Variants in TET1 observed in about 807,000 individuals in gnomAD.
TET1 encodes the protein methylcytosine dioxygenase TET1.
A neutral mutation model predicts 148.7 loss-of-function variants in TET1; 13 were observed. The observed-to-expected ratio is 0.09, with a 90% CI of 0.06 to 0.14. TET1 has a LOEUF of 0.14. Among genes scored for constraint, TET1 ranks in the 10% least tolerant of loss-of-function variants. TET1 has a pLI of 1.00. For missense variants in TET1, 2,182 were observed against 2,553.8 expected (o/e 0.85, Z 3.14); for synonymous variants, 907 against 937.2 (o/e 0.97, Z 0.59).
intron 2 of TET1, among the ~76,000 whole-genome samples, chr10:68,599,045 A>C (rs1398820328): frequency 6.6e-6 from 1 of 152,092 alleles, no homozygotes; most frequent in Non-Finnish European, 1.5e-5. Context: ...GGTGAGTGAG[A>C]GGTAATTTAA....
intron 2 of TET1, among the ~76,000 whole-genome samples, chr10:68,575,963 T>G (rs2053725060): frequency 6.7e-6 from 1 of 148,326 alleles, no homozygotes; most frequent in South Asian, 2.1e-4. Flanking sequence ...GAGCTTGCAG[T>G]GAGCCGAGAT....
chr10:68,591,588 T>C (rs1469882927), intron 2 of TET1, among the ~76,000 whole-genome samples: 12 of 152,178 alleles, frequency 7.9e-5, no homozygotes, highest in Non-Finnish European at 1.3e-4. Context: ...TCTGAATAAC[T>C]GGTCTCATCT....
At position 68,598,363 on chromosome 10, in the gene TET1, C is replaced by T. The variant is rs988880260; in HGVS notation, c.1915-2618C>T. 5.9e-5 allele frequency among the ~76,000 whole-genome samples: 9 copies of T among 151,962 alleles called. No individual in the cohort carries two copies. The East Asian group carries it at 1.5e-3, about 26-fold the overall frequency. On this transcript the variant is annotated intron_variant, in intron 2 of 11. Transcript: ENST00000373644. ...CTGAGATCGCACCATTGCATCTAGG[C>T]GACAAGAGTGAAACTCGATCTCCAA...
At chr10:68,592,743 C>T (rs2053933573) in intron 2 of TET1, among the ~76,000 whole-genome samples, 1 of 152,116 alleles carries the variant, frequency 6.6e-6, no homozygotes, top group African/African-American at 2.4e-5. Flanking sequence ...ACCTGCCAAC[C>T]CTTGGGTTTC....
chr10:68,632,664 G>C, intron 3 of TET1: 1 of 1,599,000 alleles, frequency 6.3e-7, no homozygotes, highest in Non-Finnish European at 8.6e-7. Flanking sequence ...TTAAAAAGAA[G>C]ATATTATATG....
chr10:68,602,719 C>T (rs184967308), intron 3 of TET1, among the ~76,000 whole-genome samples: 1 of 152,306 alleles, frequency 6.6e-6, no homozygotes, highest in East Asian at 1.9e-4. Flanking sequence ...TGGGTGGCCA[C>T]ATTTCATCTG....
Position 68,646,057 on chromosome 10 carries a change from T to C in TET1, c.3328T>C (p.Cys1110Arg). Residue 1110 changes from cysteine (C) to arginine (R), a missense_variant, in exon 4 of 12, where the codon TGT becomes CGT. Coordinates refer to ENST00000373644, the MANE Select transcript of TET1 (RefSeq NM_030625.3). The part of the protein sequence containing the change: ...VESTPTSLVT[C>R]NVQQKYNQEK... The stretch of plus-strand genomic sequence containing the variant: ...AAGTACACCAACAAGCCTTGTCACA[T>C]GTAATGTACAGCAAAAATACAATCA... 14 of 1,614,072 alleles carry C rather than the reference T, an allele frequency of 8.7e-6. No individual in the cohort carries two copies. Among genetic ancestry groups the C allele is most frequent in the Non-Finnish European group, 1.2e-5 (14 of 1,180,026 alleles).
At chr10:68,686,113 C>T (rs1412471586) in intron 10 of TET1, among the ~76,000 whole-genome samples, 3 of 152,066 alleles carry the variant, frequency 2.0e-5, no homozygotes, top group South Asian at 2.1e-4. Flanking sequence ...TATTTTATAA[C>T]GTTATATTTA....
chr10:68,593,228 C>T (rs2053938578), intron 2 of TET1, among the ~76,000 whole-genome samples: 1 of 75,320 alleles, frequency 1.3e-5, no homozygotes, highest in Non-Finnish European at 2.3e-5. Context: ...GAAACTCTGT[C>T]TCAAAAAAAA....
At chr10:68,581,908 A>G (rs2053802749) in intron 2 of TET1, among the ~76,000 whole-genome samples, 1 of 151,944 alleles carries the variant, frequency 6.6e-6, no homozygotes. Flanking sequence ...ATATATCTCT[A>G]GCCAGGTGAT....
rs1432025194 is a variant in TET1, at chr10:68,643,820, AT to A, written c.1969-877del. The stretch of plus-strand genomic sequence containing the variant: ...ACAGCAAGACCCCGTCTGAAAAAAA[AT>A]AAATTATTTAAAACATAAAATAAAA... On this transcript the variant is annotated intron_variant, in intron 3 of 11. Transcript: ENST00000373644. Among the ~76,000 whole-genome samples, 3 of 152,336 alleles carry A rather than the reference AT, an allele frequency of 2.0e-5. No individual in the cohort carries two copies. In the East Asian group the frequency reaches 5.8e-4, roughly 29 times the overall value.
At chr10:68,565,181 A>G (rs1294021594) in intron 1 of TET1, among the ~76,000 whole-genome samples, 1 of 152,120 alleles carries the variant, frequency 6.6e-6, no homozygotes, top group Non-Finnish European at 1.5e-5. Context: ...TATTTATTTG[A>G]AAATACACAT....
intron 1 of TET1, among the ~76,000 whole-genome samples, chr10:68,569,993 C>T (rs1430535176): frequency 6.6e-6 from 1 of 152,014 alleles, no homozygotes; most frequent in African/African-American, 2.4e-5. Context: ...CTTTTAGGTT[C>T]AGGGGGTACA....
chr10:68,573,763 C>T lies in TET1; in HGVS notation c.1425C>T (p.His475=), dbSNP rs771317200. Residue 475 remains histidine, a synonymous_variant, in exon 2 of 12, where the codon CAC becomes CAT. Coordinates refer to ENST00000373644, the MANE Select transcript of TET1 (RefSeq NM_030625.3). ...AIQILPLGSG[H]TPQSSSNSEK... is the part of the protein sequence containing the mutation. Reference sequence around the variant, plus strand: ...AGATTTTGCCTTTGGGCTCAGGACACACTCCTCAATCATCATCAAACTCAG... The same window carrying T: ...AGATTTTGCCTTTGGGCTCAGGACATACTCCTCAATCATCATCAAACTCAG... The T allele has an allele frequency of 6.2e-7, 1 of 1,614,094 alleles. No individual in the cohort carries two copies. The highest frequency in any genetic ancestry group is 8.5e-7 in the Non-Finnish European group (1 of 1,180,040).
chr10:68,642,787 T>C (rs1338320274), intron 3 of TET1, among the ~76,000 whole-genome samples: 4 of 152,124 alleles, frequency 2.6e-5, no homozygotes, highest in African/African-American at 4.8e-5. Context: ...GTATTTTTAG[T>C]AGATACGGGG....
chr10:68,602,885 A>T (rs927766892), intron 3 of TET1, among the ~76,000 whole-genome samples: 1 of 152,194 alleles, frequency 6.6e-6, no homozygotes. Context: ...TTTTTTTCTC[A>T]TCCAAAGAAA....
intron 11 of TET1, among the ~76,000 whole-genome samples, chr10:68,690,122 T>C (rs905619407): frequency 1.3e-5 from 2 of 152,208 alleles, no homozygotes; most frequent in Admixed American, 1.3e-4. Context: ...CTAAATATCT[T>C]TGAATAGTTA....
chr10:68,650,349 G>A (rs185838832), intron 4 of TET1, among the ~76,000 whole-genome samples: 1 of 152,198 alleles, frequency 6.6e-6, no homozygotes, highest in East Asian at 1.9e-4. Context: ...TACTTAAGAA[G>A]CCACAGAAGT....
chr10:68,640,733 A>G (rs1293577415), intron 3 of TET1, among the ~76,000 whole-genome samples: 1 of 150,012 alleles, frequency 6.7e-6, no homozygotes, highest in Non-Finnish European at 1.5e-5. Context: ...TTTGTATTTT[A>G]GTAGAGATGG....
Sources: gnomAD v4.1 joint callset for allele counts (sites outside exome capture counted in the v4.1 genomes callset) on GRCh38, gnomAD v4.1.1 for gene constraint, MANE v1.5 for transcripts, NCBI Gene and HGNC (gene_info 2026-07-23, HGNC 2026-07-21) for gene names.